ABCB5: variants seen among roughly 807,000 people sequenced by gnomAD.
ABCB5 encodes ATP binding cassette subfamily B member 5.
ABCB5 carries 155 observed loss-of-function variants against 144.2 expected under a neutral mutation model. The observed-to-expected ratio is 1.08, with a 90% confidence interval of 0.94 to 1.23. The LOEUF (loss-of-function observed/expected upper bound fraction) is 1.23. Among genes scored for constraint, ABCB5 ranks in the 50% most tolerant of loss-of-function variants. The probability of loss-of-function intolerance (pLI) is 0.00; values close to 1 mark genes in which losing one functional copy is unlikely to be tolerated. For missense variants in ABCB5, 1,830 were observed against 1,520.8 expected, an observed-to-expected ratio of 1.20 and a Z score of -3.38; for synonymous variants, 610 against 528.6, an observed-to-expected ratio of 1.15 and a Z score of -2.11.
Position 20,681,659 on chromosome 7 carries a change from T to C in ABCB5, c.1862T>C (p.Met621Thr), listed in dbSNP as rs1318429477. Residue 621 changes from methionine to threonine, a missense_variant, in exon 15 of 28, where the codon ATG becomes ACG. Met to Thr is a moderately conservative substitution (Grantham distance 81). Transcript: ENST00000404938. Reference protein sequence around the residue: ...AKRGLYYSLVMSQDIKKADEQ... With the variant: ...AKRGLYYSLVTSQDIKKADEQ... ...CGAGGTCTATATTATTCACTTGTGATGTCACAGGTAATGCTTATGTGACAT... is the reference window on the plus strand; with the variant it reads ...CGAGGTCTATATTATTCACTTGTGACGTCACAGGTAATGCTTATGTGACAT... 2 of 1,613,994 alleles carry C rather than the reference T, an allele frequency of 1.2e-6. No homozygotes were observed. The highest frequency in any genetic ancestry group is 4.5e-5 in the East Asian group (2 of 44,870).
intron 14 of ABCB5, among the ~76,000 whole-genome samples, chr7:20,679,076 A>G (rs1231417962): frequency 2.6e-5 from 4 of 152,198 alleles, no homozygotes; most frequent in Non-Finnish European, 2.9e-5. Flanking sequence ...AGATTTCTTA[A>G]AACTACACAA....
intron 23 of ABCB5, among the ~76,000 whole-genome samples, chr7:20,734,353 C>T (rs1782316996): frequency 6.6e-6 from 1 of 151,148 alleles, no homozygotes; most frequent in South Asian, 2.1e-4. Context: ...ATTCTCTAAA[C>T]CAATGGTTTT....
In ABCB5 at chr7:20,755,960, T is replaced by C; in HGVS notation, c.*336T>C. On this transcript the variant is annotated 3_prime_UTR_variant, in exon 28 of 28. Transcript: ENST00000404938. ...GGAAATATGTTTCCAGGGGGAATAT[T>C]ATCCAATTAACCATGTTGAAGGTTT... is the stretch of plus-strand genomic sequence containing the variant. 1 of 284,882 alleles carries C rather than the reference T, an allele frequency of 3.5e-6. No homozygotes were observed. The highest frequency in any genetic ancestry group is 8.7e-5 in the East Asian group (1 of 11,462). 17.6% of individuals were successfully genotyped at this position (284,882 alleles called of 1,614,324 possible). A position where few individuals can be genotyped will look rare whatever the true frequency, so the allele number is the denominator to read the frequency against.
chr7:20,718,227 G>C (rs1374501442), intron 20 of ABCB5, among the ~76,000 whole-genome samples: 1 of 152,056 alleles, frequency 6.6e-6, no homozygotes, highest in Non-Finnish European at 1.5e-5. Flanking sequence ...GTAACATTCT[G>C]ATAAACTGGA....
chr7:20,684,808 C>T (rs1445268459), intron 15 of ABCB5, among the ~76,000 whole-genome samples: 1 of 152,168 alleles, frequency 6.6e-6, no homozygotes, highest in East Asian at 1.9e-4. Flanking sequence ...CACCGTGTCC[C>T]TGGAAACTCT....
At chr7:20,732,363 CA>C (rs1782248458) in intron 23 of ABCB5, among the ~76,000 whole-genome samples, 1 of 152,206 alleles carries the variant, frequency 6.6e-6, no homozygotes, top group Non-Finnish European at 1.5e-5. Context: ...TTGTTTACAA[CA>C]CTTATGACAC....
chr7:20,739,960 G>A (rs1228016756), intron 24 of ABCB5, among the ~76,000 whole-genome samples: 1 of 152,156 alleles, frequency 6.6e-6, no homozygotes, highest in African/African-American at 2.4e-5. Context: ...AGCTGGGCGT[G>A]GTGGCTCACG....
At chr7:20,655,116 A>T (rs1784734207) in intron 13 of ABCB5, among the ~76,000 whole-genome samples, 1 of 152,150 alleles carries the variant, frequency 6.6e-6, no homozygotes, top group Non-Finnish European at 1.5e-5. Flanking sequence ...GATGGCCAGT[A>T]TCAGGAATGA....
chr7:20,676,775 T>G (rs1162939928), intron 14 of ABCB5, among the ~76,000 whole-genome samples: 5 of 152,310 alleles, frequency 3.3e-5, no homozygotes, highest in African/African-American at 1.2e-4. Flanking sequence ...AAAATCAATC[T>G]GCACAATAAC....
chr7:20,688,592 C>T (rs1469366751), intron 16 of ABCB5, among the ~76,000 whole-genome samples: 1 of 152,132 alleles, frequency 6.6e-6, no homozygotes, highest in Non-Finnish European at 1.5e-5. Flanking sequence ...CTAGAAATAC[C>T]ATTTGACCCA....
chr7:20,628,665 C>A (rs929593495), intron 3 of ABCB5, 23 bp from the exon 4 acceptor site: 4 of 1,602,644 alleles, frequency 2.5e-6, no homozygotes, highest in Non-Finnish European at 3.4e-6. Flanking sequence ...AGTTGTGGTG[C>A]TACCGTGCTT....
chr7:20,734,895 A>G (rs1782335337), intron 23 of ABCB5, among the ~76,000 whole-genome samples: 1 of 152,198 alleles, frequency 6.6e-6, no homozygotes, highest in South Asian at 2.1e-4. Context: ...TTATTTCACT[A>G]TAAATGTGTA....
rs1782989795 is a variant in ABCB5, at chr7:20,753,354, T to C, written c.3430-6T>C. ...TTGCTTTCTTAATTGCATGCTCCTG[T>C]GATAGAAATACAACACACAAGTTGG... On this transcript the variant is annotated splice_polypyrimidine_tract_variant and splice_region_variant and intron_variant, in intron 26 of 27. Transcript: ENST00000404938. 45 of 1,605,918 alleles carry C rather than the reference T, an allele frequency of 2.8e-5. No individual in the cohort carries two copies. The highest frequency in any genetic ancestry group is 3.8e-5 in the Non-Finnish European group (45 of 1,174,976).
At chr7:20,731,355 GAA>G (rs869149519) in intron 23 of ABCB5, among the ~76,000 whole-genome samples, 2 of 127,858 alleles carry the variant, frequency 1.6e-5, no homozygotes, top group African/African-American at 3.0e-5. Flanking sequence ...TCCAACTCAG[GAA>G]AAAAAAAAAA....
chr7:20,755,475 G>A lies in ABCB5; in HGVS notation c.3625G>A (p.Val1209Met). 1 of 1,614,192 alleles carries A rather than the reference G, an allele frequency of 6.2e-7. No individual in the cohort carries two copies. Residue 1209 changes from valine to methionine, a missense_variant, in exon 28 of 28, where the codon GTG becomes ATG. By Grantham distance (21) the Val-to-Met change is conservative. Transcript: ENST00000404938. The part of the protein sequence containing the change: ...DKARTGRTCL[V>M]VTHRLSAIQN... ...AGCCAGGACGGGAAGGACATGCCTAGTGGTCACTCACAGGCTCTCTGCAAT... is the reference window on the plus strand; with the variant it reads ...AGCCAGGACGGGAAGGACATGCCTAATGGTCACTCACAGGCTCTCTGCAAT...
At chr7:20,708,925 T>A (rs1387666947) in intron 20 of ABCB5, among the ~76,000 whole-genome samples, 1 of 152,224 alleles carries the variant, frequency 6.6e-6, no homozygotes, top group East Asian at 1.9e-4. Flanking sequence ...TTCTCAGCAG[T>A]ACTTGTTCCA....
Position 20,688,211 on chromosome 7 carries a change from C to CAAAAT in ABCB5, c.2010+2394_2010+2398dup, listed in dbSNP as rs541285397. Among the ~76,000 whole-genome samples the CAAAAT allele has an allele frequency of 3.1e-4, 47 of 151,418 alleles. No individual in the cohort carries two copies. In the South Asian group the frequency reaches 6.7e-3, roughly 22 times the overall value. ...CGGTCTCAAAAAACAAACCAAAAAACAAAATAAAATAAAATAAAATAAACA... is the reference window on the plus strand; with the variant it reads ...CGGTCTCAAAAAACAAACCAAAAAACAAAATAAAATAAAATAAAATAAAATAAACA... On this transcript the variant is annotated intron_variant, in intron 16 of 27. Transcript: ENST00000404938.
At chr7:20,621,186 C>A (rs970747068) in intron 1 of ABCB5, among the ~76,000 whole-genome samples, 6 of 151,948 alleles carry the variant, frequency 3.9e-5, no homozygotes, top group African/African-American at 1.4e-4. Context: ...CTACAATAGT[C>A]AAATTCATAG....
At chr7:20,626,490 T>C (rs1783912029) in intron 2 of ABCB5, 67 bp from the exon 3 acceptor site, 7 of 1,444,070 alleles carry the variant, frequency 4.8e-6, no homozygotes, top group East Asian at 2.5e-5. Context: ...CTGCAAACTA[T>C]TAATGGAAAA....
Sources: gnomAD v4.1 joint callset for allele counts (sites outside exome capture counted in the v4.1 genomes callset) on GRCh38, gnomAD v4.1.1 for gene constraint, MANE v1.5 for transcripts, NCBI Gene and HGNC (gene_info 2026-07-23, HGNC 2026-07-21) for gene names.